The following GRID1 variants were observed in gnomAD, a reference collection of about 807,000 sequenced individuals.
GRID1 encodes the protein glutamate ionotropic receptor delta type subunit 1, also known as glutamate receptor ionotropic, delta-1.
A neutral mutation model predicts 98.0 loss-of-function variants in GRID1; 28 were observed. The observed-to-expected ratio is 0.29, with a 90% confidence interval of 0.21 to 0.39. The LOEUF (loss-of-function observed/expected upper bound fraction) is 0.39, where lower values mean the gene tolerates loss of function less well. GRID1 is among the 10% of genes least tolerant of loss of function. GRID1 has a pLI of 1.00. For missense variants in GRID1, 1,111 were observed against 1,340.5 expected (o/e 0.83, Z 2.67); for synonymous variants, 553 against 538.5 (o/e 1.03, Z -0.37).
At position 85,865,955 on chromosome 10, in the gene GRID1, GGA is replaced by G. The variant is rs11468652; in HGVS notation, c.951+3053_951+3054del. Among the ~76,000 whole-genome samples, 818 of 84,640 alleles carry G rather than the reference GGA, an allele frequency of 9.7e-3. 10 individuals carry two copies. The highest frequency in any genetic ancestry group is 0.029 in the South Asian group (64 of 2,238). The allele number at this position is 84,640 out of a possible 152,430, so 55.5% of individuals were successfully genotyped here. The stretch of plus-strand genomic sequence containing the variant: ...TATATATATATATACACATATATAT[GGA>G]GAGAGAGAGAGAGAGAGAGAGAGAG... On this transcript the variant is annotated intron_variant, in intron 6 of 15. Coordinates refer to ENST00000327946, the MANE Select transcript of GRID1 (RefSeq NM_017551.3).
At chr10:85,965,006 C>T (rs1254078793) in intron 4 of GRID1, among the ~76,000 whole-genome samples, 3 of 152,152 alleles carry the variant, frequency 2.0e-5, no homozygotes, top group Non-Finnish European at 4.4e-5. Context: ...CAAAAGAAGA[C>T]ATTTATGCAG....
chr10:85,837,151 TC>T (rs1485724003), intron 8 of GRID1, among the ~76,000 whole-genome samples: 1 of 150,632 alleles, frequency 6.6e-6, no homozygotes, highest in Non-Finnish European at 1.5e-5. Context: ...AAGCCCTGCC[TC>T]CACTAGTGTC....
intron 4 of GRID1, among the ~76,000 whole-genome samples, chr10:86,017,454 G>C (rs1842993980): frequency 1.3e-5 from 2 of 152,210 alleles, no homozygotes; most frequent in African/African-American, 4.8e-5. Flanking sequence ...CAGAATTGCA[G>C]CCATCAGCAT....
chr10:86,034,344 T>C (rs1041301324), intron 4 of GRID1, among the ~76,000 whole-genome samples: 1 of 152,026 alleles, frequency 6.6e-6, no homozygotes, highest in Non-Finnish European at 1.5e-5. Context: ...AGAAGGCAAA[T>C]GGAGGGAAAG....
At chr10:85,877,550 G>C (rs1055445981) in intron 5 of GRID1, among the ~76,000 whole-genome samples, 1 of 152,230 alleles carries the variant, frequency 6.6e-6, no homozygotes, top group Non-Finnish European at 1.5e-5. Flanking sequence ...CAGACCTCCA[G>C]CTGAGTGTCC....
intron 5 of GRID1, among the ~76,000 whole-genome samples, chr10:85,911,048 C>T (rs760601563): frequency 1.3e-5 from 2 of 152,070 alleles, no homozygotes; most frequent in Non-Finnish European, 2.9e-5. Context: ...GAGATATGAA[C>T]GCAATAGTAA....
At chr10:86,030,877 G>A (rs2131892638) in intron 4 of GRID1, among the ~76,000 whole-genome samples, 1 of 152,270 alleles carries the variant, frequency 6.6e-6, no homozygotes, top group East Asian at 1.9e-4. Context: ...CAGGAACTAA[G>A]GACTAGACAT....
chr10:86,330,028 C>T (rs1848115231), intron 2 of GRID1, among the ~76,000 whole-genome samples: 2 of 152,134 alleles, frequency 1.3e-5, no homozygotes, highest in African/African-American at 4.8e-5. Context: ...GGACTTTCCT[C>T]CCCTCATTGC....
Position 86,363,818 on chromosome 10 carries a change from C to T in GRID1, c.235+123G>A, listed in dbSNP as rs905823601. On this transcript the variant is annotated intron_variant, in intron 2 of 15. Coordinates refer to ENST00000327946, the MANE Select transcript of GRID1 (RefSeq NM_017551.3). Reference sequence around the variant, plus strand: ...GAAGGCGCGCCACCGCGCATGGCACCGCGGCTGCCGAGGAACAGAGGGTGC... The same window carrying T: ...GAAGGCGCGCCACCGCGCATGGCACTGCGGCTGCCGAGGAACAGAGGGTGC... 4.9e-6 allele frequency: 4 copies of T among 813,128 alleles called. No individual in the cohort carries two copies. In the Admixed American group the frequency reaches 1.1e-4, roughly 22 times the overall value. The allele number at this position is 813,128 out of a possible 1,614,324, so 50.4% of individuals were successfully genotyped here. A position where few individuals can be genotyped will look rare whatever the true frequency, so the allele number is the denominator to read the frequency against.
intron 12 of GRID1, among the ~76,000 whole-genome samples, chr10:85,707,297 G>A (rs1299184401): frequency 6.6e-6 from 1 of 152,044 alleles, no homozygotes; most frequent in African/African-American, 2.4e-5. Context: ...ATCAAAAAGT[G>A]GGCTAAAGGA....
At chr10:86,121,002 G>A (rs912951138) in intron 4 of GRID1, among the ~76,000 whole-genome samples, 5 of 152,112 alleles carry the variant, frequency 3.3e-5, no homozygotes, top group Non-Finnish European at 2.9e-5. Context: ...TGAGTTTCTG[G>A]AAGGATCTGT....
chr10:85,724,964 T>A (rs1841746448), intron 10 of GRID1, among the ~76,000 whole-genome samples: 1 of 152,266 alleles, frequency 6.6e-6, no homozygotes, highest in Admixed American at 6.5e-5. Context: ...TAGTTTATCT[T>A]CACTTTGTTG....
At chr10:86,012,124 A>AAAAT (rs1468416020) in intron 4 of GRID1, among the ~76,000 whole-genome samples, 3 of 151,232 alleles carry the variant, frequency 2.0e-5, no homozygotes, top group South Asian at 2.1e-4. Context: ...TCTGCCTCAA[A>AAAAT]AAATAAATAA....
chr10:86,167,623 G>A (rs773350940), intron 3 of GRID1, among the ~76,000 whole-genome samples: 3 of 152,226 alleles, frequency 2.0e-5, no homozygotes, highest in Middle Eastern at 3.4e-3. Flanking sequence ...TCCTCCCCAC[G>A]GCCAGGCAGG....
intron 8 of GRID1, among the ~76,000 whole-genome samples, chr10:85,735,414 A>G (rs11201758): frequency 0.059 from 9,012 of 152,180 alleles, 501 homozygotes; most frequent in African/African-American, 0.15. Flanking sequence ...TCTGATTATG[A>G]CAAACAACTG....
intron 2 of GRID1, among the ~76,000 whole-genome samples, chr10:86,317,228 T>C (rs988343823): frequency 3.3e-5 from 5 of 151,920 alleles, no homozygotes; most frequent in African/African-American, 1.2e-4. Flanking sequence ...CTCCTCATAC[T>C]CTGATTCTAG....
intron 4 of GRID1, among the ~76,000 whole-genome samples, chr10:86,115,464 C>T: frequency 6.6e-6 from 1 of 152,238 alleles, no homozygotes; most frequent in East Asian, 1.9e-4. Flanking sequence ...TAGCAGCTAA[C>T]ACCCCTAGGT....
At chr10:85,743,304 G>T (rs1372612814) in intron 8 of GRID1, among the ~76,000 whole-genome samples, 2 of 152,072 alleles carry the variant, frequency 1.3e-5, no homozygotes, top group Non-Finnish European at 2.9e-5. Flanking sequence ...CTTAAGACAG[G>T]TGCATAAACT....
At chr10:85,906,938 G>A (rs149206706) in intron 5 of GRID1, among the ~76,000 whole-genome samples, 333 of 152,164 alleles carry the variant, frequency 2.2e-3, no homozygotes, top group Middle Eastern at 0.02. Flanking sequence ...ATTGAAAACT[G>A]GTTCTTTGAA....
Sources: allele counts gnomAD v4.1 joint callset (sites outside exome capture counted in the v4.1 genomes callset), GRCh38; gene constraint gnomAD v4.1.1; transcripts MANE v1.5; gene names NCBI Gene and HGNC (gene_info 2026-07-23, HGNC 2026-07-21).